TMEM272: variants seen among roughly 807,000 people sequenced by gnomAD.
The protein encoded by TMEM272 is long intergenic non-protein coding RNA 282.
Under a neutral mutation model 3.7 loss-of-function variants are expected in TMEM272, and 8 were observed. That is an observed-to-expected ratio of 2.17 (90% CI 1.27 to 3.91). TMEM272 has a LOEUF of 3.91. Ranked by LOEUF, TMEM272 falls within the 30% of genes most tolerant of loss-of-function variation. The pLI, the probability that TMEM272 is intolerant of heterozygous loss-of-function variation, is 0.00. For synonymous variants in TMEM272, 63 were observed against 39.8 expected (o/e 1.58, Z -2.20); for missense variants, 166 against 91.5 (o/e 1.81, Z -3.32).
Position 51,816,709 on chromosome 13 carries a change from G to T in TMEM272, c.*42C>A. ...TGTGTCTGTGTGCACGCGCGTGCAT[G>T]CACACGCATATGCATACATGGTATG... is the stretch of plus-strand genomic sequence containing the variant. On this transcript the variant is annotated 3_prime_UTR_variant, in exon 5 of 5. Coordinates refer to ENST00000629372, the MANE Select transcript of TMEM272 (RefSeq NM_001351003.2). 1 of 664,288 alleles carries T rather than the reference G, an allele frequency of 1.5e-6. No individual in the cohort carries two copies. 41.1% of individuals were successfully genotyped at this position (664,288 alleles called of 1,614,324 possible).
chr13:51,873,910 C>A, the TMEM272 span, among the ~76,000 whole-genome samples: 7 of 152,196 alleles, frequency 4.6e-5, no homozygotes, highest in African/African-American at 1.4e-4. Context: ...TTGGAACACC[C>A]TTCTTGTGTT....
At chr13:51,919,678 T>G in the TMEM272 span, among the ~76,000 whole-genome samples, 1 of 152,234 alleles carries the variant, frequency 6.6e-6, no homozygotes, top group Admixed American at 6.5e-5. Flanking sequence ...ACATCGCAAG[T>G]TGTCTGTCCA....
chr13:51,856,433 C>G, the TMEM272 span, among the ~76,000 whole-genome samples: 1 of 151,994 alleles, frequency 6.6e-6, no homozygotes, highest in African/African-American at 2.4e-5. Context: ...ATTAGTCTTA[C>G]AAAGGGTGGT....
At chr13:51,866,853 C>T in the TMEM272 span, among the ~76,000 whole-genome samples, 5 of 152,192 alleles carry the variant, frequency 3.3e-5, no homozygotes, top group Non-Finnish European at 7.3e-5. Context: ...TCACATAAGT[C>T]TCATGGTCCC....
the TMEM272 span, chr13:51,909,157 C>G: frequency 7.1e-7 from 1 of 1,413,656 alleles, no homozygotes; most frequent in Admixed American, 1.7e-5. Context: ...ATTTTAAACT[C>G]TGTTTCAGCT....
At chr13:51,851,556 G>A in the TMEM272 span, among the ~76,000 whole-genome samples, 18 of 93,016 alleles carry the variant, frequency 1.9e-4, no homozygotes, top group Non-Finnish European at 2.9e-4. Context: ...ACGGAGTCTT[G>A]TTCTGTTACC....
chr13:51,894,850 C>T, the TMEM272 span, among the ~76,000 whole-genome samples: 1 of 151,952 alleles, frequency 6.6e-6, no homozygotes, highest in African/African-American at 2.4e-5. Context: ...TTCTACAACT[C>T]ACCATGATGT....
In TMEM272 at chr13:51,845,067, G is replaced by C. The variant is rs1243137775; in HGVS notation, c.-75C>G. On this transcript the variant is annotated 5_prime_UTR_variant, in exon 1 of 5. Transcript: ENST00000629372. ...ATCGGGCAGCACTCAGCACCTCTGT[G>C]GTCCCGAAGTCCAGGGCTGCCTCTG... The C allele has an allele frequency of 6.6e-6, 1 of 152,248 alleles. No homozygotes were observed. The highest frequency in any genetic ancestry group is 1.9e-4 in the East Asian group (1 of 5,188). 9.4% of individuals were successfully genotyped at this position (152,248 alleles called of 1,614,324 possible).
chr13:51,869,436 A>T, the TMEM272 span, among the ~76,000 whole-genome samples: 1 of 151,852 alleles, frequency 6.6e-6, no homozygotes, highest in African/African-American at 2.4e-5. Flanking sequence ...ACTCGAGTAG[A>T]CACCATGGAT....
At chr13:51,886,471 G>A in the TMEM272 span, among the ~76,000 whole-genome samples, 6 of 152,216 alleles carry the variant, frequency 3.9e-5, no homozygotes, top group East Asian at 1.9e-4. Context: ...ACACAGAGCC[G>A]TCAAGTGACT....
At chr13:51,880,360 G>A in the TMEM272 span, among the ~76,000 whole-genome samples, 1 of 151,716 alleles carries the variant, frequency 6.6e-6, no homozygotes, top group Non-Finnish European at 1.5e-5. Context: ...TACTTGAAGA[G>A]AACCTGTATA....
At chr13:51,818,185 C>T (rs947847447) in intron 4 of TMEM272, among the ~76,000 whole-genome samples, 57 of 152,218 alleles carry the variant, frequency 3.7e-4, no homozygotes, top group African/African-American at 1.0e-3. Context: ...AGGATGTGGC[C>T]GACTGGCAGA....
chr13:51,925,010 G>A, the TMEM272 span, among the ~76,000 whole-genome samples: 2,551 of 152,260 alleles, frequency 0.017, 28 homozygotes, highest in Non-Finnish European at 0.028. Context: ...GGCAAGGGGC[G>A]AGCCAGCACA....
chr13:51,909,841 C>A, the TMEM272 span: 12 of 1,591,260 alleles, frequency 7.5e-6, no homozygotes, highest in Non-Finnish European at 1.0e-5. Flanking sequence ...ATGTGATTTT[C>A]TTTATCATTT....
chr13:51,838,634 CAGT>C, intron 1 of TMEM272, 81 bp from the exon 2 acceptor site: 1 of 699,192 alleles, frequency 1.4e-6, no homozygotes, highest in South Asian at 1.5e-5. Flanking sequence ...CTGTGCATGT[CAGT>C]GGTGGCCTGC....
chr13:51,913,657 T>C, the TMEM272 span, among the ~76,000 whole-genome samples: 2 of 152,174 alleles, frequency 1.3e-5, no homozygotes, highest in African/African-American at 4.8e-5. Flanking sequence ...TTATGGTGCA[T>C]GTCCTTCTGG....
chr13:51,918,868 G>C, the TMEM272 span, among the ~76,000 whole-genome samples: 7 of 129,620 alleles, frequency 5.4e-5, no homozygotes, highest in Admixed American at 5.9e-4. Context: ...GGCTGGTCTC[G>C]AACTCTTGAG....
chr13:51,927,576 A>G, the TMEM272 span, among the ~76,000 whole-genome samples: 40 of 152,188 alleles, frequency 2.6e-4, no homozygotes, highest in Non-Finnish European at 3.7e-4. Flanking sequence ...GTCTTCTAAA[A>G]CCAGACTGAA....
the TMEM272 span, among the ~76,000 whole-genome samples, chr13:51,922,443 T>G: frequency 6.6e-6 from 1 of 152,142 alleles, no homozygotes; most frequent in African/African-American, 2.4e-5. Flanking sequence ...TTTTTATTTA[T>G]TTAGTTTTGG....
Sources: allele counts gnomAD v4.1 joint callset (sites outside exome capture counted in the v4.1 genomes callset), GRCh38; gene constraint gnomAD v4.1.1; transcripts MANE v1.5; gene names NCBI Gene and HGNC (gene_info 2026-07-23, HGNC 2026-07-21).